The following SRGAP2C variants were observed in gnomAD, a reference collection of about 807,000 sequenced individuals.
SRGAP2C encodes the protein SLIT-ROBO Rho GTPase-activating protein 2C.
SRGAP2C carries 15 observed loss-of-function variants against 25.1 expected under a neutral mutation model. That is an observed-to-expected ratio of 0.60 (90% CI 0.40 to 0.92). The LOEUF is 0.92. Ranked by LOEUF, SRGAP2C falls within the 40% of genes least tolerant of loss-of-function variation. SRGAP2C has a pLI of 0.00. For missense variants in SRGAP2C, 144 were observed against 264.4 expected, an observed-to-expected ratio of 0.54 and a Z score of 3.16; for synonymous variants, 44 against 96.6, an observed-to-expected ratio of 0.46 and a Z score of 3.19.
intron 4 of SRGAP2C, among the ~76,000 whole-genome samples, chr1:121,339,727 T>C (rs1658608318): frequency 1.0e-5 from 1 of 97,944 alleles, no homozygotes. Context: ...AGAGGGTTTT[T>C]CCCCCTGCTG....
chr1:121,335,340 C>CAAAA (rs1238095772), intron 4 of SRGAP2C, among the ~76,000 whole-genome samples: 7 of 118,644 alleles, frequency 5.9e-5, no homozygotes, highest in African/African-American at 1.0e-4. Context: ...GACTCCATCT[C>CAAAA]AAAAAATAAA....
chr1:121,348,491 G>A (rs1214416242), intron 4 of SRGAP2C, among the ~76,000 whole-genome samples: 1 of 151,920 alleles, frequency 6.6e-6, no homozygotes, highest in Non-Finnish European at 1.5e-5. Context: ...TATTTTTATA[G>A]TTCTGCTTGT....
chr1:121,310,566 G>A (rs1479304742), intron 3 of SRGAP2C, among the ~76,000 whole-genome samples: 2 of 31,266 alleles, frequency 6.4e-5, no homozygotes, highest in Admixed American at 6.5e-4. Context: ...AGGTCTAACG[G>A]TTAAATCTTT....
chr1:121,363,934 T>A (rs1553349047), intron 4 of SRGAP2C, among the ~76,000 whole-genome samples: 1 of 152,124 alleles, frequency 6.6e-6, no homozygotes, highest in Non-Finnish European at 1.5e-5. Context: ...TTTTCTAGTT[T>A]CCTTATTATA....
intron 3 of SRGAP2C, among the ~76,000 whole-genome samples, chr1:121,286,698 C>T (rs1231023287): frequency 1.3e-5 from 2 of 152,198 alleles, no homozygotes; most frequent in Non-Finnish European, 2.9e-5. Context: ...TGCACATTGA[C>T]ATTTGGGAAA....
intron 3 of SRGAP2C, among the ~76,000 whole-genome samples, chr1:121,312,704 G>C (rs1434664370): frequency 1.5e-5 from 1 of 66,326 alleles, no homozygotes; most frequent in South Asian, 4.5e-4. Context: ...TTCAGGAGCA[G>C]GTTGTTCAGT....
chr1:121,332,722 G>T (rs1482762604), intron 4 of SRGAP2C, among the ~76,000 whole-genome samples: 1 of 74,964 alleles, frequency 1.3e-5, no homozygotes, highest in Admixed American at 1.6e-4. Context: ...GTATCCGTTT[G>T]GACTGAGATA....
intron 2 of SRGAP2C, among the ~76,000 whole-genome samples, chr1:121,191,446 A>T (rs1654673397): frequency 6.7e-6 from 1 of 149,104 alleles, no homozygotes; most frequent in Admixed American, 6.7e-5. Flanking sequence ...TTTCTTGAAT[A>T]TTTTCCATTC....
At chr1:121,202,528 A>C (rs1454838086) in intron 2 of SRGAP2C, among the ~76,000 whole-genome samples, 2 of 146,882 alleles carry the variant, frequency 1.4e-5, no homozygotes, top group Admixed American at 1.4e-4. Context: ...TCCCGGATTC[A>C]AGTGATTCTC....
chr1:121,372,835 T>A (rs1444833993), intron 5 of SRGAP2C, among the ~76,000 whole-genome samples: 1 of 78,666 alleles, frequency 1.3e-5, no homozygotes, highest in Admixed American at 1.3e-4. Flanking sequence ...GTGGTAGATA[T>A]TAATAATATT....
intron 2 of SRGAP2C, among the ~76,000 whole-genome samples, chr1:121,236,137 G>C (rs1405766209): frequency 6.7e-6 from 1 of 149,528 alleles, no homozygotes; most frequent in Non-Finnish European, 1.5e-5. Flanking sequence ...ATTTCTCTAG[G>C]GGGTCTTGAT....
chr1:121,292,610 C>T lies in SRGAP2C; in HGVS notation c.260+7615C>T, dbSNP rs1389040447. ...ATCCAGGGCTGTCAGGCTTCTTATT[C>T]CATCCCGAGAGTGTTATCCTTTTCT... is the stretch of plus-strand genomic sequence containing the variant. On this transcript the variant is annotated intron_variant, in intron 3 of 9. Transcript: ENST00000367123. 1.0e-4 allele frequency among the ~76,000 whole-genome samples: 8 copies of T among 77,836 alleles called. 2 individuals are homozygous for T. The highest frequency in any genetic ancestry group is 2.0e-4 in the Non-Finnish European group (8 of 39,490). 51.1% of individuals were successfully genotyped at this position (77,836 alleles called of 152,430 possible).
At chr1:121,198,302 G>A (rs1215293800) in intron 2 of SRGAP2C, among the ~76,000 whole-genome samples, 3 of 149,052 alleles carry the variant, frequency 2.0e-5, no homozygotes, top group African/African-American at 7.4e-5. Flanking sequence ...TTGTTTGTTT[G>A]TTTGTTTTTC....
intron 3 of SRGAP2C, among the ~76,000 whole-genome samples, chr1:121,322,167 T>C (rs1415741361): frequency 6.7e-6 from 1 of 149,734 alleles, no homozygotes; most frequent in Admixed American, 6.6e-5. Flanking sequence ...CCTTAAGAAA[T>C]AGATTGAAAC....
intron 4 of SRGAP2C, among the ~76,000 whole-genome samples, chr1:121,329,825 CACAGCTTAAAA>C (rs1658395810): frequency 6.6e-6 from 1 of 152,264 alleles, no homozygotes; most frequent in African/African-American, 2.4e-5. Context: ...GCCTCCTGTT[CACAGCTTAAAA>C]ACAGTCTGAC....
At chr1:121,255,126 C>T (rs1656427627) in intron 2 of SRGAP2C, among the ~76,000 whole-genome samples, 1 of 151,526 alleles carries the variant, frequency 6.6e-6, no homozygotes. Flanking sequence ...AAATAAGTGT[C>T]AGAGAGGTCT....
intron 4 of SRGAP2C, among the ~76,000 whole-genome samples, chr1:121,336,172 C>T (rs1352320860): frequency 2.9e-4 from 44 of 152,240 alleles, no homozygotes; most frequent in Admixed American, 6.5e-4. Context: ...CTAAGATGAC[C>T]AACTATCCTG....
chr1:121,274,985 C>T (rs1657067678), intron 2 of SRGAP2C, among the ~76,000 whole-genome samples: 1 of 151,096 alleles, frequency 6.6e-6, no homozygotes, highest in African/African-American at 2.4e-5. Flanking sequence ...GCCTCTTTGA[C>T]TTTGCTTTGC....
intron 2 of SRGAP2C, among the ~76,000 whole-genome samples, chr1:121,263,600 T>C (rs1656686959): frequency 6.6e-6 from 1 of 151,594 alleles, no homozygotes; most frequent in East Asian, 1.9e-4. Context: ...GTGTTCAGGG[T>C]CCAGAACCTG....
Sources: allele counts gnomAD v4.1 joint callset (sites outside exome capture counted in the v4.1 genomes callset), GRCh38; gene constraint gnomAD v4.1.1; transcripts MANE v1.5; gene names NCBI Gene and HGNC (gene_info 2026-07-23, HGNC 2026-07-21).